Variants in ROR1 observed in about 807,000 individuals in gnomAD.
ROR1 encodes ROR family WNT receptor 1, also known as inactive tyrosine-protein kinase transmembrane receptor ROR1.
Under a neutral mutation model 78.8 loss-of-function variants are expected in ROR1, and 19 were observed. The observed-to-expected ratio is 0.24, with a 90% CI of 0.17 to 0.35. The LOEUF (loss-of-function observed/expected upper bound fraction) is 0.35, where lower values mean the gene tolerates loss of function less well. ROR1 is among the 10% of genes least tolerant of loss of function. ROR1 has a pLI of 1.00. For missense variants in ROR1, 917 were observed against 1,177.8 expected (o/e 0.78, Z 3.24); for synonymous variants, 386 against 433.6 (o/e 0.89, Z 1.36).
chr1:63,883,231 G>GA (rs368194742), intron 1 of ROR1, among the ~76,000 whole-genome samples: 1 of 151,298 alleles, frequency 6.6e-6, no homozygotes, highest in Admixed American at 6.6e-5. Context: ...CATTCTAGAG[G>GA]AAAAAAAATA....
chr1:64,123,974 A>G (rs1010576535), intron 4 of ROR1, among the ~76,000 whole-genome samples: 1 of 152,168 alleles, frequency 6.6e-6, no homozygotes, highest in Non-Finnish European at 1.5e-5. Flanking sequence ...GTTGAATATA[A>G]TGGTAACTGT....
chr1:63,875,243 C>T (rs1329459), intron 1 of ROR1, among the ~76,000 whole-genome samples: 8,542 of 152,136 alleles, frequency 0.056, 603 homozygotes, highest in African/African-American at 0.15. Context: ...GTGCTGAGTG[C>T]CTACAACAAT....
intron 1 of ROR1, among the ~76,000 whole-genome samples, chr1:63,830,555 C>A (rs1644981176): frequency 6.6e-6 from 1 of 152,114 alleles, no homozygotes; most frequent in African/African-American, 2.4e-5. Flanking sequence ...ATCGTGAGAA[C>A]AGCATGGGGG....
chr1:63,828,567 CA>C (rs1344150435), intron 1 of ROR1, among the ~76,000 whole-genome samples: 1 of 152,176 alleles, frequency 6.6e-6, no homozygotes, highest in Non-Finnish European at 1.5e-5. Context: ...AAGCAGTTTT[CA>C]GTTGATCAAC....
chr1:63,981,659 A>C (rs956407961), intron 1 of ROR1, among the ~76,000 whole-genome samples: 1 of 151,990 alleles, frequency 6.6e-6, no homozygotes, highest in Non-Finnish European at 1.5e-5. Flanking sequence ...GCTGGGCTGG[A>C]AGGTTCAGCT....
intron 1 of ROR1, among the ~76,000 whole-genome samples, chr1:63,982,002 AAAAAAT>A (rs1252843749): frequency 6.6e-6 from 1 of 151,976 alleles, no homozygotes; most frequent in Non-Finnish European, 1.5e-5. Flanking sequence ...CAAATAATAT[AAAAAAT>A]AAAAATAAAA....
At chr1:64,176,826 A>G (rs919673304) in intron 8 of ROR1, among the ~76,000 whole-genome samples, 2 of 152,262 alleles carry the variant, frequency 1.3e-5, no homozygotes, top group Non-Finnish European at 2.9e-5. Flanking sequence ...AGCACAATAA[A>G]TATTCGAAGA....
chr1:63,804,307 A>G (rs2100259571), intron 1 of ROR1, among the ~76,000 whole-genome samples: 1 of 152,322 alleles, frequency 6.6e-6, no homozygotes, highest in Admixed American at 6.5e-5. Flanking sequence ...AACTGGTCCA[A>G]TCTGAGTAAG....
At chr1:64,099,245 T>C (rs1308479154) in intron 4 of ROR1, among the ~76,000 whole-genome samples, 3 of 152,154 alleles carry the variant, frequency 2.0e-5, no homozygotes, top group Non-Finnish European at 4.4e-5. Context: ...GATCAGGCAA[T>C]TGAGCCTCAG....
At chr1:63,922,696 AAC>A (rs1388057045) in intron 1 of ROR1, among the ~76,000 whole-genome samples, 7 of 152,260 alleles carry the variant, frequency 4.6e-5, no homozygotes, top group Non-Finnish European at 7.3e-5. Context: ...GATGAGCTTT[AAC>A]ACAGCTTATC....
chr1:64,137,298 C>T (rs3738152), intron 4 of ROR1, 71 bp from the exon 5 acceptor site: 4 of 1,556,926 alleles, frequency 2.6e-6, no homozygotes, highest in African/African-American at 1.4e-5. Flanking sequence ...TAGGGTATCG[C>T]GCAGTCAGAG....
At chr1:63,981,278 A>G (rs1409118755) in intron 1 of ROR1, among the ~76,000 whole-genome samples, 9 of 152,210 alleles carry the variant, frequency 5.9e-5, no homozygotes, top group African/African-American at 2.2e-4. Context: ...GAGCCAGAAA[A>G]TGACCCAGTC....
intron 4 of ROR1, among the ~76,000 whole-genome samples, chr1:64,075,208 A>T (rs1040931485): frequency 1.3e-5 from 2 of 152,162 alleles, no homozygotes; most frequent in African/African-American, 4.8e-5. Flanking sequence ...CACACCCTAA[A>T]ATGTTTTAAA....
In ROR1 at chr1:63,902,577, GC is replaced by G. The variant is rs564500679; in HGVS notation, c.92-106722del. ...TGGCTCCAGCAGTCCTCCTGCCTCA[GC>G]CCCCCAAAGTGCTGAGATTACAGGC... On this transcript the variant is annotated intron_variant, in intron 1 of 8. Transcript: ENST00000371079. Among the ~76,000 whole-genome samples the G allele has an allele frequency of 8.9e-4, 136 of 152,066 alleles. 1 individual carries two copies. In the South Asian group the frequency reaches 0.028, roughly 31 times the overall value.
chr1:64,147,976 C>G (rs916484757), intron 7 of ROR1, among the ~76,000 whole-genome samples: 2 of 152,112 alleles, frequency 1.3e-5, no homozygotes, highest in African/African-American at 4.8e-5. Context: ...CTGCAGTACC[C>G]AGAACAGCCC....
At chr1:63,986,576 G>A (rs781026819) in intron 1 of ROR1, among the ~76,000 whole-genome samples, 5 of 152,286 alleles carry the variant, frequency 3.3e-5, no homozygotes, top group Non-Finnish European at 7.3e-5. Flanking sequence ...CCCAGCAAAG[G>A]TTCTAACCCA....
chr1:63,788,878 T>C lies in ROR1; in HGVS notation c.91+14370T>C. The C allele has an allele frequency of 6.9e-6, 6 of 867,520 alleles. No homozygotes were observed. The South Asian group carries it at 7.8e-5, about 11-fold the overall frequency. 53.7% of individuals were successfully genotyped at this position (867,520 alleles called of 1,614,324 possible). A position where few individuals can be genotyped will look rare whatever the true frequency, so the allele number is the denominator to read the frequency against. On this transcript the variant is annotated intron_variant, in intron 1 of 8. Transcript: ENST00000371079. ...GCGAGCCTTATCTGCCTTCAGCTTG[T>C]GGATGTGTTCCATGAGAATCGCTTG...
intron 4 of ROR1, among the ~76,000 whole-genome samples, chr1:64,116,954 T>C (rs947287791): frequency 6.6e-6 from 1 of 152,194 alleles, no homozygotes; most frequent in African/African-American, 2.4e-5. Context: ...TTATATCTTG[T>C]CTCTCCAGAA....
At chr1:64,001,207 G>A (rs1197376027) in intron 1 of ROR1, among the ~76,000 whole-genome samples, 1 of 152,258 alleles carries the variant, frequency 6.6e-6, no homozygotes, top group East Asian at 1.9e-4. Flanking sequence ...GAATCTCAAG[G>A]GCATTATGCT....
Sources: gnomAD v4.1 joint callset for allele counts (sites outside exome capture counted in the v4.1 genomes callset) on GRCh38, gnomAD v4.1.1 for gene constraint, MANE v1.5 for transcripts, NCBI Gene and HGNC (gene_info 2026-07-23, HGNC 2026-07-21) for gene names.